The following HOMER1 variants were observed in gnomAD, a reference collection of about 807,000 sequenced individuals.
The protein encoded by HOMER1 is homer scaffold protein 1, also known as homer protein homolog 1.
HOMER1 carries 3 observed loss-of-function variants against 48.9 expected under a neutral mutation model. The ratio of observed to expected loss-of-function variants is 0.06; its 90% CI spans 0.03 to 0.16. The LOEUF is 0.16. Ranked by LOEUF, HOMER1 falls within the 10% of genes least tolerant of loss-of-function variation. The probability of loss-of-function intolerance (pLI) is 1.00; values close to 1 mark genes in which losing one functional copy is unlikely to be tolerated. For missense variants in HOMER1, 247 were observed against 411.4 expected (o/e 0.60, Z 3.46); for synonymous variants, 134 against 146.4 (o/e 0.92, Z 0.61).
chr5:79,450,973 T>C lies in HOMER1; in HGVS notation c.294+17A>G, dbSNP rs771253702. The C allele has an allele frequency of 1.2e-6, 2 of 1,608,652 alleles. No homozygotes were observed. Among genetic ancestry groups the C allele is most frequent in the Admixed American group, 3.3e-5 (2 of 59,752 alleles). On this transcript the variant is annotated intron_variant, in intron 3 of 8. Transcript: ENST00000334082. ...TGAAGATGAAGATTTTCATTCAAAT[T>C]TTATGATTTAACTCACTTTCGAAAG...
At chr5:79,453,148 TAGTA>T (rs1456185540) in intron 2 of HOMER1, among the ~76,000 whole-genome samples, 2 of 152,194 alleles carry the variant, frequency 1.3e-5, no homozygotes, top group Non-Finnish European at 2.9e-5. Context: ...TCTCAGACAG[TAGTA>T]AGTACTATAA....
chr5:79,426,152 A>G (rs1338920088), intron 5 of HOMER1, among the ~76,000 whole-genome samples: 1 of 152,030 alleles, frequency 6.6e-6, no homozygotes, highest in African/African-American at 2.4e-5. Flanking sequence ...TAGAAAGTGG[A>G]AAGTTTGCAC....
At chr5:79,391,510 C>T (rs767383711) in intron 8 of HOMER1, among the ~76,000 whole-genome samples, 4 of 151,512 alleles carry the variant, frequency 2.6e-5, no homozygotes, top group Admixed American at 6.6e-5. Context: ...TTTGGGAGGC[C>T]GAGGTGGGCA....
intron 4 of HOMER1, among the ~76,000 whole-genome samples, chr5:79,441,707 T>C (rs1750742335): frequency 2.0e-5 from 3 of 152,042 alleles, no homozygotes; most frequent in South Asian, 2.1e-4. Context: ...TTTAAAAATA[T>C]AAAATTAGTA....
At chr5:79,440,193 T>C (rs1040122646) in intron 4 of HOMER1, among the ~76,000 whole-genome samples, 2 of 152,218 alleles carry the variant, frequency 1.3e-5, no homozygotes, top group African/African-American at 2.4e-5. Flanking sequence ...CAATGTAGCA[T>C]ATAATTTTTA....
intron 1 of HOMER1, among the ~76,000 whole-genome samples, chr5:79,500,953 G>GTGAC (rs1491130611): frequency 8.8e-6 from 1 of 113,758 alleles, no homozygotes; most frequent in African/African-American, 3.5e-5. Flanking sequence ...GTGTGTGTGT[G>GTGAC]AGACAGACAG....
chr5:79,457,938 A>C (rs558435685), intron 1 of HOMER1, among the ~76,000 whole-genome samples: 88 of 152,334 alleles, frequency 5.8e-4, no homozygotes, highest in African/African-American at 2.1e-3. Context: ...ACCCATTTAA[A>C]CACATTTTAC....
intron 3 of HOMER1, among the ~76,000 whole-genome samples, chr5:79,447,707 G>A (rs938995327): frequency 1.3e-5 from 2 of 152,024 alleles, no homozygotes; most frequent in South Asian, 4.1e-4. Context: ...GCAGCAGAAA[G>A]GAATAATACT....
intron 1 of HOMER1, among the ~76,000 whole-genome samples, chr5:79,500,058 G>A (rs1446566513): frequency 2.0e-5 from 3 of 152,190 alleles, no homozygotes; most frequent in Non-Finnish European, 2.9e-5. Context: ...GAGGTCTGCA[G>A]CTGTGGTTGC....
chr5:79,476,250 C>T (rs80198296), intron 1 of HOMER1, among the ~76,000 whole-genome samples: 2,382 of 152,090 alleles, frequency 0.016, 64 homozygotes, highest in African/African-American at 0.054. Flanking sequence ...GGAAAAAAAA[C>T]GAACTCAAGC....
chr5:79,445,871 G>T (rs1750861009), intron 4 of HOMER1, among the ~76,000 whole-genome samples: 1 of 152,206 alleles, frequency 6.6e-6, no homozygotes, highest in Admixed American at 6.5e-5. Flanking sequence ...CCGAGATTGT[G>T]CCACTGCACT....
Position 79,513,054 on chromosome 5 carries a change from G to A in HOMER1, c.-280C>T, listed in dbSNP as rs915760052. ...CGATCAACTCTATTCCACAAAATGA[G>A]TCTACAAGTAGGGAAATGCAGAATC... On this transcript the variant is annotated 5_prime_UTR_variant, in exon 1 of 9. Transcript: ENST00000334082. The A allele has an allele frequency of 2.0e-6, 1 of 491,220 alleles. No homozygotes were observed. Among genetic ancestry groups the A allele is most frequent in the Non-Finnish European group, 3.6e-6 (1 of 277,344 alleles). 30.4% of individuals were successfully genotyped at this position (491,220 alleles called of 1,614,324 possible).
At chr5:79,471,944 C>T (rs552447087) in intron 1 of HOMER1, among the ~76,000 whole-genome samples, 2 of 152,304 alleles carry the variant, frequency 1.3e-5, no homozygotes, top group South Asian at 2.1e-4. Flanking sequence ...CAAGTAGAGC[C>T]ATTCTTGGTC....
At chr5:79,377,378 T>C (rs1345425811) in intron 8 of HOMER1, among the ~76,000 whole-genome samples, 3 of 152,066 alleles carry the variant, frequency 2.0e-5, no homozygotes, top group Non-Finnish European at 4.4e-5. Flanking sequence ...AAAAATCAGA[T>C]TGAGAAAAAT....
Position 79,447,108 on chromosome 5 carries a change from C to G in HOMER1, c.332G>C (p.Arg111Pro). 1 of 1,613,118 alleles carries G rather than the reference C, an allele frequency of 6.2e-7. No individual in the cohort carries two copies. The highest frequency in any genetic ancestry group is 8.5e-7 in the Non-Finnish European group (1 of 1,179,434). ...CTCTTGTGATTTTTCCTTTGCTAGT[C>G]GAGCAGCTTCTTTAAATTCCTGAAA... ...EKFQEFKEAA[R>P]LAKEKSQEKM... Residue 111 changes from arginine (R) to proline (P), a missense_variant, in exon 4 of 9, where the codon CGA (arginine) becomes CCA (proline). Coordinates refer to ENST00000334082, the MANE Select transcript of HOMER1 (RefSeq NM_004272.5).
intron 1 of HOMER1, among the ~76,000 whole-genome samples, chr5:79,480,504 T>C (rs1241389032): frequency 6.6e-6 from 1 of 152,180 alleles, no homozygotes; most frequent in East Asian, 1.9e-4. Context: ...TTAAATTTCT[T>C]CTTTGCTTCT....
At chr5:79,417,145 C>CTT (rs34190629) in intron 5 of HOMER1, among the ~76,000 whole-genome samples, 11 of 142,978 alleles carry the variant, frequency 7.7e-5, no homozygotes, top group South Asian at 2.2e-4. Context: ...CGCACCCCTA[C>CTT]TTTTTTTTTT....
chr5:79,412,809 C>T (rs1580433167), intron 5 of HOMER1, among the ~76,000 whole-genome samples: 2 of 152,092 alleles, frequency 1.3e-5, no homozygotes, highest in Non-Finnish European at 1.5e-5. Flanking sequence ...GTTCAATAAA[C>T]GTCAGTGACG....
At chr5:79,491,502 A>G (rs1003513750) in intron 1 of HOMER1, among the ~76,000 whole-genome samples, 4 of 151,048 alleles carry the variant, frequency 2.6e-5, no homozygotes, top group African/African-American at 9.7e-5. Context: ...CTAGAAATGT[A>G]ACTGAATACT....
Sources: gnomAD v4.1 joint callset for allele counts (sites outside exome capture counted in the v4.1 genomes callset) on GRCh38, gnomAD v4.1.1 for gene constraint, MANE v1.5 for transcripts, NCBI Gene and HGNC (gene_info 2026-07-23, HGNC 2026-07-21) for gene names.